The following FBXL20 variants were observed in gnomAD, a reference collection of about 807,000 sequenced individuals.
FBXL20 encodes F-box/LRR-repeat protein 20.
In FBXL20, 11 loss-of-function variants were observed where a neutral mutation model predicts 64.0. The observed-to-expected ratio is 0.17, with a 90% CI of 0.11 to 0.28. The LOEUF (loss-of-function observed/expected upper bound fraction) is 0.28, where lower values mean the gene tolerates loss of function less well. Ranked by LOEUF, FBXL20 falls within the 10% of genes least tolerant of loss-of-function variation. The pLI, the probability that FBXL20 is intolerant of heterozygous loss-of-function variation, is 1.00. For missense variants in FBXL20, 303 were observed against 526.2 expected (o/e 0.58, Z 4.15); for synonymous variants, 184 against 189.0 (o/e 0.97, Z 0.22).
chr17:39,375,101 A>G (rs920197992), intron 1 of FBXL20, among the ~76,000 whole-genome samples: 3 of 152,172 alleles, frequency 2.0e-5, no homozygotes, highest in African/African-American at 7.2e-5. Flanking sequence ...TTTCAATAAT[A>G]TAGGACAAAG....
intron 1 of FBXL20, among the ~76,000 whole-genome samples, chr17:39,372,223 T>C (rs2047924761): frequency 6.6e-6 from 1 of 151,928 alleles, no homozygotes; most frequent in South Asian, 2.1e-4. Flanking sequence ...CTTTGCTGTC[T>C]TAAAACCAAA....
rs983562637 is a variant in FBXL20 at position 39,355,627 on chromosome 17, G to A, written c.43-12386C>T. ...TCCCAGCACTTTGGGAGGCCAAGGCGGGCGGATCACCTGAGGTCAGGAGTT... is the reference window on the plus strand; with the variant it reads ...TCCCAGCACTTTGGGAGGCCAAGGCAGGCGGATCACCTGAGGTCAGGAGTT... On this transcript the variant is annotated intron_variant, in intron 1 of 14. Coordinates refer to ENST00000264658, the MANE Select transcript of FBXL20 (RefSeq NM_032875.3). Among the ~76,000 whole-genome samples the A allele has an allele frequency of 2.0e-4, 31 of 152,006 alleles. 1 individual carries two copies. Among genetic ancestry groups the A allele is most frequent in the Admixed American group, 1.8e-3 (27 of 15,264 alleles).
At chr17:39,368,507 T>C (rs1381869814) in intron 1 of FBXL20, among the ~76,000 whole-genome samples, 1 of 152,222 alleles carries the variant, frequency 6.6e-6, no homozygotes, top group Non-Finnish European at 1.5e-5. Flanking sequence ...GTCCTAAGTC[T>C]CTTTCCTACC....
upstream of FBXL20, chr17:39,401,871 C>G (rs1349283438): frequency 5.0e-6 from 2 of 398,392 alleles, no homozygotes; most frequent in Admixed American, 5.1e-5. Context: ...ACGAGCCCAT[C>G]GGGAGAAGGC....
intron 2 of FBXL20, among the ~76,000 whole-genome samples, chr17:39,338,535 A>AT (rs2047551236): frequency 6.6e-6 from 1 of 151,228 alleles, no homozygotes. Flanking sequence ...GATCAATAAA[A>AT]AATAATAATA....
At chr17:39,391,329 A>C (rs886182248) in intron 1 of FBXL20, among the ~76,000 whole-genome samples, 1 of 152,094 alleles carries the variant, frequency 6.6e-6, no homozygotes, top group African/African-American at 2.4e-5. Flanking sequence ...ATAATATTAC[A>C]AAGTCTAACT....
chr17:39,387,664 A>C (rs2048095919), intron 1 of FBXL20, among the ~76,000 whole-genome samples: 1 of 147,210 alleles, frequency 6.8e-6, no homozygotes, highest in Non-Finnish European at 1.5e-5. Flanking sequence ...TACAACCTCC[A>C]CTTCCTGGGC....
intron 2 of FBXL20, among the ~76,000 whole-genome samples, chr17:39,312,751 G>A (rs1410305401): frequency 8.5e-6 from 1 of 117,736 alleles, no homozygotes; most frequent in South Asian, 2.4e-4. Flanking sequence ...TTTTTTTTTT[G>A]TATTTTTAGT....
At chr17:39,355,683 C>G (rs377435794) in intron 1 of FBXL20, among the ~76,000 whole-genome samples, 1 of 150,638 alleles carries the variant, frequency 6.6e-6, no homozygotes, top group African/African-American at 2.4e-5. Flanking sequence ...GGTGAAACCC[C>G]GTCTCTACTA....
Position 39,281,439 on chromosome 17 carries a change from T to C in FBXL20, c.646A>G (p.Ile216Val), listed in dbSNP as rs750700672. ...TQLEDEALKY[I>V]GAHCPELVTL... Reference sequence around the variant, plus strand: ...ACCAGTTCAGGGCAGTGTGCACCTATGTACTTGAGAGCTTCATCTTCTAGC... The same window carrying C: ...ACCAGTTCAGGGCAGTGTGCACCTACGTACTTGAGAGCTTCATCTTCTAGC... Residue 216 changes from isoleucine to valine, a missense_variant, in exon 9 of 15, where the codon ATA becomes GTA. Ile to Val is a conservative substitution (Grantham distance 29). Transcript: ENST00000264658. 1.4e-5 allele frequency: 23 copies of C among 1,613,766 alleles called. No individual in the cohort carries two copies. The highest frequency in any genetic ancestry group is 1.2e-4 in the South Asian group (11 of 90,962).
chr17:39,352,387 A>G (rs2047695794), intron 1 of FBXL20, among the ~76,000 whole-genome samples: 1 of 152,032 alleles, frequency 6.6e-6, no homozygotes, highest in Non-Finnish European at 1.5e-5. Flanking sequence ...CATTAAAAAA[A>G]ATAGGAAAGA....
At chr17:39,287,969 T>TC (rs1491276392) in intron 6 of FBXL20, among the ~76,000 whole-genome samples, 1 of 75,564 alleles carries the variant, frequency 1.3e-5, no homozygotes, top group Non-Finnish European at 2.3e-5. Flanking sequence ...TAATGAAAAC[T>TC]TTTTTTTTTT....
At chr17:39,391,557 C>A (rs1003668882) in intron 1 of FBXL20, among the ~76,000 whole-genome samples, 1 of 152,000 alleles carries the variant, frequency 6.6e-6, no homozygotes, top group Non-Finnish European at 1.5e-5. Context: ...AAAAAAAACA[C>A]AAATTTATAT....
intron 2 of FBXL20, among the ~76,000 whole-genome samples, chr17:39,304,808 G>C (rs2047167346): frequency 6.6e-6 from 1 of 151,784 alleles, no homozygotes; most frequent in South Asian, 2.1e-4. Flanking sequence ...TTTTGAGAGA[G>C]ACTCACCCGG....
chr17:39,393,715 T>C (rs1322341033), intron 1 of FBXL20, among the ~76,000 whole-genome samples: 1 of 152,202 alleles, frequency 6.6e-6, no homozygotes, highest in East Asian at 1.9e-4. Context: ...ATAAGTAGGT[T>C]ACTTACTTAG....
intron 1 of FBXL20, among the ~76,000 whole-genome samples, chr17:39,355,943 G>A (rs1027487110): frequency 2.0e-5 from 3 of 151,240 alleles, no homozygotes; most frequent in Admixed American, 6.6e-5. Context: ...TGGGCAGGAG[G>A]GGTGGCTCAC....
At chr17:39,325,244 T>A (rs1393569990) in intron 2 of FBXL20, among the ~76,000 whole-genome samples, 1 of 152,090 alleles carries the variant, frequency 6.6e-6, no homozygotes, top group Non-Finnish European at 1.5e-5. Flanking sequence ...GACAAAACTC[T>A]TGTGAAATGA....
In FBXL20 at chr17:39,254,463, T is replaced by A. The variant is rs2046677203; in HGVS notation, c.*6997A>T. The stretch of plus-strand genomic sequence containing the variant: ...ATGTCTGGACACCTCTCTTCTCCCA[T>A]CTCTTCCTAGGGTAAGGACTGTCAT... On this transcript the variant is annotated 3_prime_UTR_variant, in exon 15 of 15. Transcript: ENST00000264658. 1 of 153,806 alleles carries A rather than the reference T, an allele frequency of 6.5e-6. No individual in the cohort carries two copies. The highest frequency in any genetic ancestry group is 1.5e-5 in the Non-Finnish European group (1 of 68,110). The allele number at this position is 153,806 out of a possible 1,614,324, so 9.5% of individuals were successfully genotyped here. A position where few individuals can be genotyped will look rare whatever the true frequency, so the allele number is the denominator to read the frequency against.
At chr17:39,295,784 GATATAT>G (rs10568875) in intron 6 of FBXL20, among the ~76,000 whole-genome samples, 2 of 137,068 alleles carry the variant, frequency 1.5e-5, no homozygotes, top group Non-Finnish European at 3.2e-5. Flanking sequence ...CAAATATGGA[GATATAT>G]ATATATATAT....
Sources: allele counts gnomAD v4.1 joint callset (sites outside exome capture counted in the v4.1 genomes callset), GRCh38; gene constraint gnomAD v4.1.1; transcripts MANE v1.5; gene names NCBI Gene and HGNC (gene_info 2026-07-23, HGNC 2026-07-21).